PTDSS1: variants seen among roughly 807,000 people sequenced by gnomAD.
PTDSS1 encodes the protein phosphatidylserine synthase 1.
Under a neutral mutation model 70.5 loss-of-function variants are expected in PTDSS1, and 45 were observed. The observed-to-expected ratio is 0.64, with a 90% CI of 0.50 to 0.82. The LOEUF (loss-of-function observed/expected upper bound fraction) is 0.82, where lower values mean the gene tolerates loss of function less well. Ranked by LOEUF, PTDSS1 falls within the 40% of genes least tolerant of loss-of-function variation. PTDSS1 has a pLI of 0.00. For synonymous variants in PTDSS1, 188 were observed against 203.8 expected (o/e 0.92, Z 0.66); for missense variants, 417 against 586.1 (o/e 0.71, Z 2.98).
chr8:96,267,425 A>T (rs899550639), intron 1 of PTDSS1, among the ~76,000 whole-genome samples: 8 of 151,492 alleles, frequency 5.3e-5, no homozygotes, highest in African/African-American at 1.9e-4. Flanking sequence ...CAAACTCCCA[A>T]CCCTTTGGGA....
intron 2 of PTDSS1, among the ~76,000 whole-genome samples, chr8:96,282,233 C>T (rs1009081166): frequency 3.9e-5 from 6 of 152,156 alleles, no homozygotes; most frequent in African/African-American, 1.4e-4. Flanking sequence ...TATCGCCTAC[C>T]ATGAGTAAAG....
intron 1 of PTDSS1, among the ~76,000 whole-genome samples, chr8:96,271,849 T>A (rs1486708502): frequency 6.6e-6 from 1 of 152,204 alleles, no homozygotes; most frequent in Non-Finnish European, 1.5e-5. Context: ...ACCCTTCATA[T>A]CCTTTGCCCG....
At position 96,261,969 on chromosome 8, in the gene PTDSS1, C is replaced by T; in HGVS notation, c.-72C>T. On this transcript the variant is annotated 5_prime_UTR_variant, in exon 1 of 13. Coordinates refer to ENST00000517309, the MANE Select transcript of PTDSS1 (RefSeq NM_014754.3). ...CCGTCCGGCTATTAGCCTACTGTGG[C>T]TAGTCACCCCCGGGGTCCCGGCCTT... 1 of 1,490,414 alleles carries T rather than the reference C, an allele frequency of 6.7e-7. No homozygotes were observed. Among genetic ancestry groups the T allele is most frequent in the Non-Finnish European group, 9.1e-7 (1 of 1,101,552 alleles). The allele number at this position is 1,490,414 out of a possible 1,614,324, so 92.3% of individuals were successfully genotyped here.
intron 7 of PTDSS1, 101 bp downstream of exon 7, chr8:96,304,282 C>G (rs1349525759): frequency 7.6e-7 from 1 of 1,323,412 alleles, no homozygotes; most frequent in African/African-American, 1.5e-5. Context: ...CTTTTCAGCT[C>G]CATACTTTAC....
chr8:96,302,017 T>C (rs974243173), intron 6 of PTDSS1, among the ~76,000 whole-genome samples: 9 of 152,058 alleles, frequency 5.9e-5, no homozygotes, highest in Non-Finnish European at 1.3e-4. Context: ...TAATTCTAAT[T>C]TTTATGTATT....
At chr8:96,310,585 A>C (rs757544121) in intron 9 of PTDSS1, among the ~76,000 whole-genome samples, 3 of 151,190 alleles carry the variant, frequency 2.0e-5, no homozygotes, top group Non-Finnish European at 4.4e-5. Context: ...TTCCTTCTGG[A>C]TGTATCTTGA....
At chr8:96,317,909 G>GTA (rs139248603) in intron 9 of PTDSS1, among the ~76,000 whole-genome samples, 1,687 of 116,782 alleles carry the variant, frequency 0.014, 20 homozygotes, top group Middle Eastern at 0.069. Context: ...GTGTGTGTGT[G>GTA]TGTGTGTGTG....
chr8:96,283,976 A>T, intron 2 of PTDSS1, 133 bp from the exon 3 acceptor site: 1 of 640,548 alleles, frequency 1.6e-6, no homozygotes. Context: ...GTGTTTATGT[A>T]GAAAAAAAAA....
At chr8:96,287,396 G>C in intron 4 of PTDSS1, 1 of 450,706 alleles carries the variant, frequency 2.2e-6, no homozygotes, top group South Asian at 4.1e-5. Flanking sequence ...GACAGCCTTG[G>C]GTGTGAATTC....
intron 10 of PTDSS1, among the ~76,000 whole-genome samples, chr8:96,325,953 A>G (rs945220511): frequency 6.6e-6 from 1 of 152,130 alleles, no homozygotes; most frequent in African/African-American, 2.4e-5. Flanking sequence ...GGAGGGAAGC[A>G]GTGAAGCTTC....
rs1270739541 is a variant in PTDSS1 at position 96,262,335 on chromosome 8, C to T, written c.179+116C>T. The T allele has an allele frequency of 1.5e-6, 2 of 1,310,380 alleles. No homozygotes were observed. Among genetic ancestry groups the T allele is most frequent in the Non-Finnish European group, 2.1e-6 (2 of 972,500 alleles). The allele number at this position is 1,310,380 out of a possible 1,614,324, so 81.2% of individuals were successfully genotyped here. A position where few individuals can be genotyped will look rare whatever the true frequency, so the allele number is the denominator to read the frequency against. ...TGGGTGAGGAAGTGGGCTGGCTGCT[C>T]CACGCACACGCACTGGCAGCCCGCC... On this transcript the variant is annotated intron_variant, in intron 1 of 12. Transcript: ENST00000517309. The surrounding 1 kb of genome is among the most constrained non-coding windows in gnomAD (Gnocchi z 4.4).
chr8:96,311,175 G>A (rs184842695), intron 9 of PTDSS1, among the ~76,000 whole-genome samples: 2 of 152,308 alleles, frequency 1.3e-5, no homozygotes, highest in East Asian at 3.9e-4. Context: ...TCTCAAGTAA[G>A]TTGTTTTTCT....
At chr8:96,314,024 A>G (rs1359733842) in intron 9 of PTDSS1, among the ~76,000 whole-genome samples, 1 of 151,920 alleles carries the variant, frequency 6.6e-6, no homozygotes, top group East Asian at 1.9e-4. Context: ...CCAGGCCCAT[A>G]GTTCAGGCTT....
intron 12 of PTDSS1, among the ~76,000 whole-genome samples, 194 bp from the exon 13 acceptor site, chr8:96,333,263 G>A (rs923623978): frequency 6.6e-6 from 1 of 152,056 alleles, no homozygotes; most frequent in Non-Finnish European, 1.5e-5. Context: ...GTTGAACCCC[G>A]CGCCACCGCG....
chr8:96,270,581 A>G (rs1438514201), intron 1 of PTDSS1, among the ~76,000 whole-genome samples: 3 of 152,200 alleles, frequency 2.0e-5, no homozygotes, highest in Non-Finnish European at 4.4e-5. Flanking sequence ...AACTCACAGT[A>G]GAGTGTGACA....
At chr8:96,315,089 A>C (rs780774315) in intron 9 of PTDSS1, among the ~76,000 whole-genome samples, 1 of 152,140 alleles carries the variant, frequency 6.6e-6, no homozygotes, top group Non-Finnish European at 1.5e-5. Context: ...AATTGTATCT[A>C]TTGTTTATGC....
chr8:96,299,641 A>T (rs1811023187), intron 5 of PTDSS1, 53 bp from the exon 6 acceptor site: 1 of 1,513,006 alleles, frequency 6.6e-7, no homozygotes, highest in Admixed American at 2.2e-5. Flanking sequence ...ATCTATCTGC[A>T]TGGTACCCCA....
chr8:96,266,304 A>G lies in PTDSS1; in HGVS notation c.179+4085A>G, dbSNP rs78259046. ...GATTTGTGTACTTAAGTGATCATCAATTTGTCTATGCTTCATTTCTCCTCG... is the reference window on the plus strand; with the variant it reads ...GATTTGTGTACTTAAGTGATCATCAGTTTGTCTATGCTTCATTTCTCCTCG... On this transcript the variant is annotated intron_variant, in intron 1 of 12. Coordinates refer to ENST00000517309, the MANE Select transcript of PTDSS1 (RefSeq NM_014754.3). 7.2e-5 allele frequency among the ~76,000 whole-genome samples: 11 copies of G among 152,334 alleles called. No homozygotes were observed. The East Asian group carries it at 2.1e-3, about 29-fold the overall frequency.
chr8:96,322,522 C>T (rs1162576469), intron 10 of PTDSS1, among the ~76,000 whole-genome samples: 1 of 152,106 alleles, frequency 6.6e-6, no homozygotes, highest in African/African-American at 2.4e-5. Context: ...AATCCCACTC[C>T]TGCAATAATA....
Sources: allele counts gnomAD v4.1 joint callset (sites outside exome capture counted in the v4.1 genomes callset), GRCh38; gene constraint gnomAD v4.1.1; non-coding constraint Gnocchi (gnomAD v3.1); transcripts MANE v1.5; gene names NCBI Gene and HGNC (gene_info 2026-07-23, HGNC 2026-07-21).